Variants in AHCYL2 observed in about 807,000 individuals in gnomAD.
AHCYL2 encodes the protein adenosylhomocysteinase like 2.
In AHCYL2, 28 loss-of-function variants were observed where a neutral mutation model predicts 81.4. The ratio of observed to expected loss-of-function variants is 0.34; its 90% CI spans 0.25 to 0.47. AHCYL2 has a LOEUF of 0.47. Among genes scored for constraint, AHCYL2 ranks in the 20% least tolerant of loss-of-function variants. The pLI is 1.00. For synonymous variants in AHCYL2, 272 were observed against 290.2 expected (o/e 0.94, Z 0.64); for missense variants, 551 against 785.1 (o/e 0.70, Z 3.56).
At chr7:129,335,400 T>C (rs1798566788) in intron 1 of AHCYL2, among the ~76,000 whole-genome samples, 1 of 152,006 alleles carries the variant, frequency 6.6e-6, no homozygotes, top group Non-Finnish European at 1.5e-5. Context: ...TCCATATTGT[T>C]ATTAAATAAT....
intron 1 of AHCYL2, among the ~76,000 whole-genome samples, chr7:129,343,477 TAAG>T (rs893957215): frequency 6.6e-6 from 1 of 152,110 alleles, no homozygotes; most frequent in Non-Finnish European, 1.5e-5. Flanking sequence ...GCTTAATACT[TAAG>T]AAGAAAGGGA....
At chr7:129,364,174 G>A (rs1477435004) in intron 1 of AHCYL2, among the ~76,000 whole-genome samples, 3 of 152,142 alleles carry the variant, frequency 2.0e-5, no homozygotes, top group Non-Finnish European at 4.4e-5. Context: ...GGGAGTTCAA[G>A]CAATGATCAC....
intron 1 of AHCYL2, among the ~76,000 whole-genome samples, chr7:129,243,027 T>A (rs1223421192): frequency 6.8e-6 from 1 of 147,024 alleles, no homozygotes; most frequent in East Asian, 1.9e-4. Flanking sequence ...TCTTTTTTTT[T>A]TTTTTTTTTT....
intron 12 of AHCYL2, 111 bp from the exon 13 acceptor site, chr7:129,422,729 A>C: frequency 1.2e-6 from 1 of 822,212 alleles, no homozygotes; most frequent in South Asian, 1.6e-5. Flanking sequence ...TCCATCTGGC[A>C]TGTTGGTTGC....
At chr7:129,401,634 G>A (rs1283050645) in intron 6 of AHCYL2, among the ~76,000 whole-genome samples, 1 of 152,238 alleles carries the variant, frequency 6.6e-6, no homozygotes, top group Non-Finnish European at 1.5e-5. Context: ...AGAGTTGACA[G>A]TGGCTGTAAG....
At chr7:129,288,767 T>G (rs1311269693) in intron 1 of AHCYL2, among the ~76,000 whole-genome samples, 2 of 152,028 alleles carry the variant, frequency 1.3e-5, no homozygotes, top group African/African-American at 2.4e-5. Flanking sequence ...AAATTTTATC[T>G]ATTTATTATT....
chr7:129,405,733 GAAAAACCAACCAA>G (rs1796274103), intron 8 of AHCYL2, 90 bp from the exon 9 acceptor site: 1 of 1,116,612 alleles, frequency 9.0e-7, no homozygotes, highest in Admixed American at 2.7e-5. Context: ...CTTTCAAAAT[GAAAAACCAACCAA>G]AAAACCCCAT....
intron 5 of AHCYL2, among the ~76,000 whole-genome samples, chr7:129,398,349 A>T (rs1361188151): frequency 2.0e-5 from 3 of 147,158 alleles, no homozygotes; most frequent in African/African-American, 5.0e-5. Flanking sequence ...ATTTAATTTA[A>T]TTTTTATTTT....
At chr7:129,408,652 TAA>T (rs888424992) in intron 10 of AHCYL2, among the ~76,000 whole-genome samples, 10 of 152,306 alleles carry the variant, frequency 6.6e-5, no homozygotes, top group African/African-American at 2.4e-4. Context: ...AGATCTAAGC[TAA>T]AGTTACAAAT....
intron 1 of AHCYL2, among the ~76,000 whole-genome samples, chr7:129,249,522 T>G (rs1795176725): frequency 6.6e-6 from 1 of 151,732 alleles, no homozygotes; most frequent in African/African-American, 2.4e-5. Context: ...GCTTCCCGGG[T>G]TCACGCCATT....
At chr7:129,389,369 G>T (rs1795354755) in intron 3 of AHCYL2, among the ~76,000 whole-genome samples, 170 bp downstream of exon 3, 1 of 125,498 alleles carries the variant, frequency 8.0e-6, no homozygotes, top group South Asian at 2.6e-4. Flanking sequence ...GGCAAGTCTA[G>T]AAGGAACCCT....
chr7:129,413,386 C>T (rs1796689764), intron 11 of AHCYL2, among the ~76,000 whole-genome samples: 1 of 151,710 alleles, frequency 6.6e-6, no homozygotes, highest in Non-Finnish European at 1.5e-5. Context: ...TGTGATCCGC[C>T]CGTCTCAGCC....
intron 1 of AHCYL2, 29 bp from the exon 2 acceptor site, chr7:129,379,609 C>A (rs758436355): frequency 2.4e-5 from 37 of 1,573,976 alleles, no homozygotes; most frequent in Non-Finnish European, 3.1e-5. Context: ...GGTTCTTTTT[C>A]TTTATATAAC....
rs867511461 is a variant in AHCYL2, at chr7:129,273,431, C to G, written c.363+47992C>G. On this transcript the variant is annotated intron_variant, in intron 1 of 16. Coordinates refer to ENST00000325006, the MANE Select transcript of AHCYL2 (RefSeq NM_015328.4). ...GCAACCTCTGCCTCCCTGGTTCAAG[C>G]AATTCTCCTGCCTCAACCTCCCTAG... Among the ~76,000 whole-genome samples the G allele has an allele frequency of 7.2e-5, 10 of 138,806 alleles. No individual in the cohort carries two copies. The Middle Eastern group carries it at 0.015, about 208-fold the overall frequency. 91.1% of individuals were successfully genotyped at this position (138,806 alleles called of 152,430 possible).
chr7:129,255,277 G>A (rs1036682930), intron 1 of AHCYL2, among the ~76,000 whole-genome samples: 1 of 152,002 alleles, frequency 6.6e-6, no homozygotes, highest in Non-Finnish European at 1.5e-5. Flanking sequence ...AGAAAAAAAA[G>A]TAAAAAGAAA....
At chr7:129,242,266 C>T (rs1456655206) in intron 1 of AHCYL2, among the ~76,000 whole-genome samples, 1 of 151,840 alleles carries the variant, frequency 6.6e-6, no homozygotes, top group Non-Finnish European at 1.5e-5. Context: ...TGGACTCAAG[C>T]GATCCCTCCT....
intron 1 of AHCYL2, among the ~76,000 whole-genome samples, chr7:129,253,534 A>G (rs1795310457): frequency 6.6e-6 from 1 of 152,234 alleles, no homozygotes; most frequent in African/African-American, 2.4e-5. Context: ...CAAATGGCAA[A>G]CACTGTATTT....
intron 1 of AHCYL2, among the ~76,000 whole-genome samples, chr7:129,320,713 A>G (rs1797984853): frequency 6.6e-6 from 1 of 152,226 alleles, no homozygotes; most frequent in African/African-American, 2.4e-5. Context: ...TTGTACAACC[A>G]TCAGCATCAT....
At chr7:129,259,264 A>G (rs1000218815) in intron 1 of AHCYL2, among the ~76,000 whole-genome samples, 6 of 152,218 alleles carry the variant, frequency 3.9e-5, no homozygotes, top group African/African-American at 1.4e-4. Flanking sequence ...TGGTGGAACA[A>G]GTGGTGCCAG....
Sources: allele counts gnomAD v4.1 joint callset (sites outside exome capture counted in the v4.1 genomes callset), GRCh38; gene constraint gnomAD v4.1.1; transcripts MANE v1.5; gene names NCBI Gene and HGNC (gene_info 2026-07-23, HGNC 2026-07-21).